ASIC5: variants seen among roughly 807,000 people sequenced by gnomAD.
ASIC5 encodes the protein acid sensing ion channel subunit family member 5.
In ASIC5, 52 loss-of-function variants were observed where a neutral mutation model predicts 51.2. That is an observed-to-expected ratio of 1.02 (90% CI 0.81 to 1.28). The LOEUF is 1.28. Among genes scored for constraint, ASIC5 ranks in the 50% most tolerant of loss-of-function variants. The probability of loss-of-function intolerance (pLI) is 0.00; values close to 1 mark genes in which losing one functional copy is unlikely to be tolerated. For missense variants in ASIC5, 635 were observed against 595.0 expected, an observed-to-expected ratio of 1.07 and a Z score of -0.70; for synonymous variants, 231 against 200.7, an observed-to-expected ratio of 1.15 and a Z score of -1.28.
At chr4:155,860,812 C>T (rs1007633013) in intron 2 of ASIC5, among the ~76,000 whole-genome samples, 6 of 151,710 alleles carry the variant, frequency 4.0e-5, no homozygotes, top group Admixed American at 2.0e-4. Flanking sequence ...GGTTTCCATA[C>T]CCAAAATTAT....
chr4:155,840,793 C>T (rs376728150), intron 6 of ASIC5, among the ~76,000 whole-genome samples: 14 of 151,756 alleles, frequency 9.2e-5, no homozygotes, highest in South Asian at 4.2e-4. Context: ...GATTCTAAAC[C>T]GCCCCAAATT....
intron 2 of ASIC5, among the ~76,000 whole-genome samples, chr4:155,856,800 G>C (rs1265416155): frequency 6.6e-6 from 1 of 151,946 alleles, no homozygotes; most frequent in East Asian, 1.9e-4. Flanking sequence ...CCCTACAACT[G>C]TGAAATCCTG....
In ASIC5 at chr4:155,854,186, G is replaced by A. The variant is rs776251060; in HGVS notation, c.476C>T (p.Ala159Val). Residue 159 changes from alanine to valine, a missense_variant, in exon 3 of 10, where the codon GCA becomes GTA. Physicochemically the swap from Ala to Val is moderately conservative, Grantham distance 64 (BLOSUM62 0). Coordinates refer to ENST00000537611, the MANE Select transcript of ASIC5 (RefSeq NM_017419.3). ...CACAATGCTGAAGTTTTGGTGACTT[G>A]CAGCAAAATCAGTAGCCTCTCTAGA... ...TGSREATDFA[A>V]SHQNFSIVEF... is the part of the protein sequence containing the mutation. 13 of 1,613,294 alleles carry A rather than the reference G, an allele frequency of 8.1e-6. No homozygotes were observed. The South Asian group carries it at 1.4e-4, about 18-fold the overall frequency.
At chr4:155,852,508 A>C (rs1484338568) in intron 3 of ASIC5, among the ~76,000 whole-genome samples, 192 bp from the exon 4 acceptor site, 1 of 150,942 alleles carries the variant, frequency 6.6e-6, no homozygotes, top group South Asian at 2.1e-4. Flanking sequence ...GTCAATTTGC[A>C]TGTGATTATT....
At chr4:155,862,571 T>C (rs1258061281) in intron 2 of ASIC5, among the ~76,000 whole-genome samples, 1 of 152,114 alleles carries the variant, frequency 6.6e-6, no homozygotes, top group African/African-American at 2.4e-5. Flanking sequence ...TCTGGAAGCC[T>C]AGTGGTGGAA....
At chr4:155,855,097 A>C (rs1741496564) in intron 2 of ASIC5, among the ~76,000 whole-genome samples, 1 of 152,034 alleles carries the variant, frequency 6.6e-6, no homozygotes, top group Non-Finnish European at 1.5e-5. Context: ...CTTAATCCCT[A>C]GAAAAAAAGC....
At chr4:155,845,195 G>C (rs1315035732) in intron 4 of ASIC5, among the ~76,000 whole-genome samples, 1 of 152,040 alleles carries the variant, frequency 6.6e-6, no homozygotes, top group Non-Finnish European at 1.5e-5. Flanking sequence ...AAGAGCAATG[G>C]CTGCACTTCT....
rs1486638923 is a variant in ASIC5 at position 155,866,037 on chromosome 4, T to C, written c.40+150A>G. Reference sequence around the variant, plus strand: ...ATAACTTTTTTTCTAAGTAAAACTATTCATTTTTAAAACTTATATTACTTA... The same window carrying C: ...ATAACTTTTTTTCTAAGTAAAACTACTCATTTTTAAAACTTATATTACTTA... On this transcript the variant is annotated intron_variant, in intron 1 of 9. Coordinates refer to ENST00000537611, the MANE Select transcript of ASIC5 (RefSeq NM_017419.3). 1.6e-5 allele frequency: 7 copies of C among 448,010 alleles called. No individual in the cohort carries two copies. In the East Asian group the frequency reaches 2.1e-4, roughly 13 times the overall value. 27.8% of individuals were successfully genotyped at this position (448,010 alleles called of 1,614,324 possible).
chr4:155,855,318 T>C (rs1741505490), intron 2 of ASIC5: 1 of 152,058 alleles, frequency 6.6e-6, no homozygotes, highest in African/African-American at 2.4e-5. Flanking sequence ...GCCTGGAATA[T>C]AGTGAGTGTT....
intron 3 of ASIC5, among the ~76,000 whole-genome samples, 168 bp downstream of exon 3, chr4:155,853,907 CAT>C (rs1377130672): frequency 2.6e-5 from 4 of 151,946 alleles, no homozygotes; most frequent in Admixed American, 6.6e-5. Context: ...AAATTTGTCT[CAT>C]GTGTATTCCA....
rs754749320 is a variant in ASIC5 at position 155,841,520 on chromosome 4, AC to A, written c.1009+686del. 9.7e-4 allele frequency among the ~76,000 whole-genome samples: 148 copies of A among 152,066 alleles called. 1 individual carries two copies. Among genetic ancestry groups the A allele is most frequent in the Non-Finnish European group, 1.8e-3 (125 of 68,006 alleles). On this transcript the variant is annotated intron_variant, in intron 6 of 9. Coordinates refer to ENST00000537611, the MANE Select transcript of ASIC5 (RefSeq NM_017419.3). ...CCTGGTTGAGATCCAGCTCTTATTC[AC>A]CCTGCTCCATTGCTTCCTTGAATGC... is the stretch of plus-strand genomic sequence containing the variant.
intron 2 of ASIC5, among the ~76,000 whole-genome samples, chr4:155,857,248 C>T (rs971553853): frequency 6.6e-6 from 1 of 152,022 alleles, no homozygotes; most frequent in African/African-American, 2.4e-5. Flanking sequence ...TTCAGCCCCC[C>T]ACATAGCTGG....
chr4:155,847,376 A>T (rs1741275623), intron 4 of ASIC5, among the ~76,000 whole-genome samples: 1 of 152,068 alleles, frequency 6.6e-6, no homozygotes, highest in Admixed American at 6.6e-5. Flanking sequence ...TTAAACACTA[A>T]CAGCAATTAA....
chr4:155,847,447 C>T (rs1220310576), intron 4 of ASIC5, among the ~76,000 whole-genome samples: 2 of 152,034 alleles, frequency 1.3e-5, no homozygotes, highest in Non-Finnish European at 2.9e-5. Flanking sequence ...CCTGGCCAGG[C>T]ACAGGAATTC....
intron 8 of ASIC5, among the ~76,000 whole-genome samples, chr4:155,833,130 G>A (rs534788995): frequency 7.9e-5 from 12 of 152,218 alleles, no homozygotes; most frequent in African/African-American, 2.6e-4. Context: ...ATACCTAGAC[G>A]ACTCCTGAAT....
intron 2 of ASIC5, among the ~76,000 whole-genome samples, chr4:155,861,267 A>G (rs1741698734): frequency 6.6e-6 from 1 of 151,952 alleles, no homozygotes; most frequent in Non-Finnish European, 1.5e-5. Flanking sequence ...TGCAAAGTCT[A>G]GTAGGTTTAT....
intron 2 of ASIC5, among the ~76,000 whole-genome samples, chr4:155,857,206 C>T (rs550075479): frequency 1.3e-5 from 2 of 152,152 alleles, no homozygotes; most frequent in Admixed American, 1.3e-4. Context: ...TCATTGCAGC[C>T]TTGACCTTCT....
Position 155,833,952 on chromosome 4 carries a change from T to C in ASIC5, c.1236-2037A>G, listed in dbSNP as rs9994330. Among the ~76,000 whole-genome samples, 1,066 of 152,336 alleles carry C rather than the reference T, an allele frequency of 7.0e-3. 10 individuals are homozygous for C. Among genetic ancestry groups the C allele is most frequent in the African/African-American group, 0.024 (1,018 of 41,572 alleles). Reference sequence around the variant, plus strand: ...AAAAACTAAAAACTGAATTTTTTTATTGTATTACAAAATAGTTTCTAAAAA... The same window carrying C: ...AAAAACTAAAAACTGAATTTTTTTACTGTATTACAAAATAGTTTCTAAAAA... On this transcript the variant is annotated intron_variant, in intron 8 of 9. Coordinates refer to ENST00000537611, the MANE Select transcript of ASIC5 (RefSeq NM_017419.3).
chr4:155,848,697 G>T (rs1254428069), intron 4 of ASIC5, among the ~76,000 whole-genome samples: 2 of 152,030 alleles, frequency 1.3e-5, no homozygotes, highest in East Asian at 1.9e-4. Flanking sequence ...ACTCTAACAG[G>T]TGCCCTTAAA....
Sources: allele counts gnomAD v4.1 joint callset (sites outside exome capture counted in the v4.1 genomes callset), GRCh38; gene constraint gnomAD v4.1.1; transcripts MANE v1.5; gene names NCBI Gene and HGNC (gene_info 2026-07-23, HGNC 2026-07-21).